NUP188: variants seen among roughly 807,000 people sequenced by gnomAD.
NUP188 encodes the protein nucleoporin NUP188.
NUP188 carries 97 observed loss-of-function variants against 223.0 expected under a neutral mutation model. The observed-to-expected ratio is 0.43, with a 90% CI of 0.37 to 0.51. The LOEUF (loss-of-function observed/expected upper bound fraction) is 0.51. Among genes scored for constraint, NUP188 ranks in the 20% least tolerant of loss-of-function variants. NUP188 has a pLI of 0.00. For synonymous variants in NUP188, 869 were observed against 828.0 expected (o/e 1.05, Z -0.85); for missense variants, 1,947 against 2,175.6 (o/e 0.89, Z 2.09).
At chr9:128,975,620 A>G (rs1189033088) in intron 12 of NUP188, among the ~76,000 whole-genome samples, 1 of 150,756 alleles carries the variant, frequency 6.6e-6, no homozygotes. Context: ...CCTGGGTTCA[A>G]GCAATTCTCC....
intron 15 of NUP188, among the ~76,000 whole-genome samples, chr9:128,981,938 G>A (rs982466451): frequency 2.6e-5 from 4 of 152,022 alleles, no homozygotes; most frequent in Non-Finnish European, 4.4e-5. Context: ...TTAGTCGGGC[G>A]TGGTGGTGCA....
chr9:128,979,695 C>T (rs1367538458), intron 13 of NUP188, among the ~76,000 whole-genome samples: 3 of 151,974 alleles, frequency 2.0e-5, no homozygotes, highest in African/African-American at 4.8e-5. Flanking sequence ...TGCAATGGCG[C>T]GATCTCGGCT....
Position 128,984,948 on chromosome 9 carries a change from T to C in NUP188, c.2010T>C (p.Ser670=), listed in dbSNP as rs1210607402. 1.2e-6 allele frequency: 2 copies of C among 1,614,020 alleles called. No individual in the cohort carries two copies. Among genetic ancestry groups the C allele is most frequent in the Admixed American group, 1.7e-5 (1 of 59,986 alleles). Residue 670 remains serine, a synonymous_variant, in exon 20 of 44, where the codon AGT becomes AGC. Coordinates refer to ENST00000372577, the MANE Select transcript of NUP188 (RefSeq NM_015354.3). ...GGTACGGAAACCTCTTGATGAACAGTGAACAGCCTCAGGGCGAGTATGGGG... is the reference window on the plus strand; with the variant it reads ...GGTACGGAAACCTCTTGATGAACAGCGAACAGCCTCAGGGCGAGTATGGGG... ...AGGYGNLLMN[S]EQPQGEYGVT... is the part of the protein sequence containing the mutation.
Position 128,984,102 on chromosome 9 carries a change from G to A in NUP188, c.1961+552G>A, listed in dbSNP as rs186102647. On this transcript the variant is annotated intron_variant, in intron 19 of 43. Transcript: ENST00000372577. ...CTCTCAAAGTGCTGGGATTATAGGC[G>A]TGAGCCACCGCGCCTGGCCTGATTT... Among the ~76,000 whole-genome samples the A allele has an allele frequency of 3.4e-3, 475 of 140,298 alleles. 3 individuals carry two copies. Among genetic ancestry groups the A allele is most frequent in the African/African-American group, 0.013 (447 of 35,548 alleles). 92.0% of individuals were successfully genotyped at this position (140,298 alleles called of 152,430 possible).
At chr9:128,972,635 C>T (rs936350482) in intron 11 of NUP188, among the ~76,000 whole-genome samples, 4 of 152,308 alleles carry the variant, frequency 2.6e-5, no homozygotes, top group Admixed American at 6.5e-5. Context: ...TGAAGTTATT[C>T]AGTTGTAACA....
chr9:128,982,863 G>A lies in NUP188; in HGVS notation c.1670-39G>A, dbSNP rs376078611. 145 of 1,612,620 alleles carry A rather than the reference G, an allele frequency of 9.0e-5. No individual in the cohort carries two copies. In the African/African-American group the frequency reaches 1.6e-3, roughly 18 times the overall value. ...GAGACTGTTCAGTGATCTTAAAGGG[G>A]TTGTTTGCCGTGAGGTCACAGGCTG... On this transcript the variant is annotated intron_variant, in intron 16 of 43. Coordinates refer to ENST00000372577, the MANE Select transcript of NUP188 (RefSeq NM_015354.3).
chr9:129,005,942 A>G, intron 41 of NUP188, 108 bp from the exon 42 acceptor site: 1 of 1,422,034 alleles, frequency 7.0e-7, no homozygotes, highest in Non-Finnish European at 9.8e-7. Flanking sequence ...TGAGGATTAA[A>G]TGAGGTAACT....
chr9:128,983,445 G>A (rs1842285786), intron 18 of NUP188, 29 bp from the exon 19 acceptor site: 1 of 1,611,242 alleles, frequency 6.2e-7, no homozygotes, highest in African/African-American at 1.3e-5. Flanking sequence ...AAGATATGTG[G>A]GCATTTAACT....
At chr9:128,958,581 A>G (rs951947736) in intron 6 of NUP188, among the ~76,000 whole-genome samples, 2 of 152,208 alleles carry the variant, frequency 1.3e-5, no homozygotes, top group African/African-American at 4.8e-5. Context: ...AAACTTGTGT[A>G]TATTGTTAAA....
intron 12 of NUP188, among the ~76,000 whole-genome samples, chr9:128,978,987 G>A (rs957249951): frequency 1.3e-5 from 2 of 152,180 alleles, no homozygotes; most frequent in Non-Finnish European, 1.5e-5. Flanking sequence ...TAGGATTATA[G>A]GGGTGGCCCC....
chr9:129,002,907 ACT>A lies in NUP188; in HGVS notation c.4231_4232del (p.Leu1411AlafsTer7). On this transcript the variant is annotated frameshift_variant, in exon 37 of 44. Coordinates refer to ENST00000372577, the MANE Select transcript of NUP188 (RefSeq NM_015354.3). LOFTEE classifies it high-confidence loss of function. ...SMSLMEQLLK[T>X]LRYNFLPEAL... ...GTCCCTGATGGAGCAGCTGCTCAAA[ACT>A]CTGCGCTACAACTTCCTGCCTGAGG... is the stretch of plus-strand genomic sequence containing the variant. 2 of 1,613,942 alleles carry A rather than the reference ACT, an allele frequency of 1.2e-6. No individual in the cohort carries two copies. The highest frequency in any genetic ancestry group is 1.7e-5 in the Admixed American group (1 of 60,002).
intron 25 of NUP188, among the ~76,000 whole-genome samples, chr9:128,992,213 T>C (rs1588286757): frequency 6.6e-6 from 1 of 151,562 alleles, no homozygotes; most frequent in East Asian, 2.0e-4. Context: ...GTACTGTTTT[T>C]GTTTTGAGAC....
At chr9:129,003,023 G>C (rs1014565404) in intron 37 of NUP188, 48 bp downstream of exon 37, 8 of 1,596,974 alleles carry the variant, frequency 5.0e-6, no homozygotes, top group Non-Finnish European at 6.0e-6. Context: ...GGGTAAAAAA[G>C]GTACTGGGCC....
At chr9:128,950,437 T>C (rs901161560) in intron 2 of NUP188, among the ~76,000 whole-genome samples, 1 of 152,176 alleles carries the variant, frequency 6.6e-6, no homozygotes, top group East Asian at 1.9e-4. Context: ...GCCAGGCTGG[T>C]CTTGAATTCC....
intron 32 of NUP188, among the ~76,000 whole-genome samples, chr9:128,998,934 G>A (rs1400461759): frequency 6.8e-6 from 1 of 146,052 alleles, no homozygotes; most frequent in Non-Finnish European, 1.5e-5. Flanking sequence ...TCGGCTCACT[G>A]CAACCTCCAC....
chr9:128,986,089 A>G (rs772836116), intron 20 of NUP188, among the ~76,000 whole-genome samples: 3 of 152,172 alleles, frequency 2.0e-5, no homozygotes, highest in Non-Finnish European at 2.9e-5. Flanking sequence ...ATAGATATTT[A>G]TATATAACTA....
Position 129,005,630 on chromosome 9 carries a change from T to C in NUP188, c.4738-15T>C, listed in dbSNP as rs747775446. 2.5e-6 allele frequency: 4 copies of C among 1,612,804 alleles called. No homozygotes were observed. Among genetic ancestry groups the C allele is most frequent in the Non-Finnish European group, 2.5e-6 (3 of 1,179,246 alleles). On this transcript the variant is annotated splice_polypyrimidine_tract_variant and intron_variant, in intron 40 of 43. Transcript: ENST00000372577. ...CCTTAATTGGGTCCTGGATGGCTCT[T>C]GTCTTTTCTCGCAGTCCCTGGACCT...
intron 30 of NUP188, among the ~76,000 whole-genome samples, chr9:128,996,822 A>G (rs1368686340): frequency 6.6e-6 from 1 of 152,102 alleles, no homozygotes; most frequent in Non-Finnish European, 1.5e-5. Flanking sequence ...CTACCTATAC[A>G]AAAGAAAAGA....
chr9:128,970,890 G>A lies in NUP188; in HGVS notation c.1045G>A (p.Ala349Thr). The A allele has an allele frequency of 6.2e-7, 1 of 1,614,072 alleles. No homozygotes were observed. The highest frequency in any genetic ancestry group is 2.2e-5 in the East Asian group (1 of 44,872). Residue 349 changes from alanine (A) to threonine (T), a missense_variant, in exon 11 of 44, where the codon GCC (alanine) becomes ACC (threonine). Coordinates refer to ENST00000372577, the MANE Select transcript of NUP188 (RefSeq NM_015354.3). ...TGTGGTCCGGAAGATAGGTGGCACA[G>A]CCATCCAGCTGAATGTGTTTCAGTA... ...SSVVRKIGGT[A>T]IQLNVFQYLT...
Sources: allele counts gnomAD v4.1 joint callset (sites outside exome capture counted in the v4.1 genomes callset), GRCh38; gene constraint gnomAD v4.1.1; transcripts MANE v1.5; gene names NCBI Gene and HGNC (gene_info 2026-07-23, HGNC 2026-07-21).